Variants in AZIN2 observed in about 807,000 individuals in gnomAD.
AZIN2 encodes ODC antizyme inhibitor-2.
In AZIN2, 28 loss-of-function variants were observed where a neutral mutation model predicts 47.8. The ratio of observed to expected loss-of-function variants is 0.59; its 90% CI spans 0.43 to 0.80. The LOEUF is 0.80. AZIN2 is among the 30% of genes least tolerant of loss of function. The pLI is 0.00. For missense variants in AZIN2, 535 were observed against 582.5 expected, an observed-to-expected ratio of 0.92 and a Z score of 0.84; for synonymous variants, 221 against 239.4, an observed-to-expected ratio of 0.92 and a Z score of 0.71.
rs550626704 is a variant in AZIN2 at position 33,093,042 on chromosome 1, CA to C, written c.453-239del. Among the ~76,000 whole-genome samples the C allele has an allele frequency of 4.5e-4, 68 of 152,292 alleles. 1 individual carries two copies. The highest frequency in any genetic ancestry group is 1.6e-3 in the African/African-American group (66 of 41,548). On this transcript the variant is annotated intron_variant, in intron 6 of 11. Transcript: ENST00000294517. ...TGATTTGGAGGGACTGGAGCTGCCC[CA>C]GGAGAGTTGGTGAGGTCTGGACCAG...
chr1:33,139,374 A>G, the AZIN2 span, among the ~76,000 whole-genome samples: 2 of 152,204 alleles, frequency 1.3e-5, no homozygotes, highest in African/African-American at 2.4e-5. Context: ...TGCACCCAGC[A>G]TGCAAAACCA....
intron 10 of AZIN2, among the ~76,000 whole-genome samples, chr1:33,108,894 A>C (rs144630046): frequency 9.3e-4 from 141 of 152,350 alleles, no homozygotes; most frequent in African/African-American, 3.3e-3. Context: ...ACTAAGGAGT[A>C]CAATTGCTGG....
chr1:33,091,967 CTT>C (rs1265330870), intron 5 of AZIN2, 81 bp from the exon 6 acceptor site: 16 of 1,476,338 alleles, frequency 1.1e-5, no homozygotes, highest in Non-Finnish European at 1.4e-5. Context: ...ATAGCTATGA[CTT>C]TGCCCTCATC....
chr1:33,100,953 C>T (rs1570071183), intron 10 of AZIN2, among the ~76,000 whole-genome samples: 1 of 150,776 alleles, frequency 6.6e-6, no homozygotes, highest in African/African-American at 2.4e-5. Context: ...CCTCTGCCTC[C>T]TAGGTTCAAG....
At chr1:33,138,033 C>A in the AZIN2 span, among the ~76,000 whole-genome samples, 2 of 152,240 alleles carry the variant, frequency 1.3e-5, no homozygotes, top group South Asian at 4.1e-4. Context: ...TGCAGGGGGA[C>A]TGCATAACCA....
chr1:33,154,267 G>A, the AZIN2 span, among the ~76,000 whole-genome samples: 3 of 151,402 alleles, frequency 2.0e-5, no homozygotes, highest in African/African-American at 4.9e-5. Context: ...CCAAGGCTCC[G>A]ATTCCCTCCC....
chr1:33,101,242 T>A (rs1457405423), intron 10 of AZIN2, among the ~76,000 whole-genome samples: 1 of 151,600 alleles, frequency 6.6e-6, no homozygotes, highest in East Asian at 1.9e-4. Flanking sequence ...TCTCCCTGTG[T>A]TGTCTAGGCG....
the AZIN2 span, chr1:33,147,205 G>A: frequency 6.8e-6 from 11 of 1,613,716 alleles, no homozygotes; most frequent in Middle Eastern, 1.6e-4. The surrounding 1 kb of genome is among the most constrained non-coding windows in gnomAD (Gnocchi z 8.1). Context: ...GATCCGCAGC[G>A]GCTGAACGTT....
the AZIN2 span, among the ~76,000 whole-genome samples, chr1:33,129,424 C>T: frequency 6.6e-6 from 1 of 152,218 alleles, no homozygotes; most frequent in African/African-American, 2.4e-5. The surrounding 1 kb of genome is among the most constrained non-coding windows in gnomAD (Gnocchi z 4.1). Context: ...CACAGACTGT[C>T]TTTGGGTCCT....
chr1:33,097,348 A>G (rs1454448560), intron 9 of AZIN2, among the ~76,000 whole-genome samples: 1 of 152,228 alleles, frequency 6.6e-6, no homozygotes, highest in Non-Finnish European at 1.5e-5. Context: ...AGGCTGAGTC[A>G]TTAGCCCAAG....
chr1:33,156,876 C>CAT, the AZIN2 span, among the ~76,000 whole-genome samples: 1 of 152,030 alleles, frequency 6.6e-6, no homozygotes. Context: ...TTTGCTAATC[C>CAT]GCTAGCAAAT....
downstream of AZIN2, among the ~76,000 whole-genome samples, chr1:33,127,857 G>A (rs530825435): frequency 1.9e-4 from 29 of 152,112 alleles, no homozygotes; most frequent in African/African-American, 6.3e-4. Flanking sequence ...CCCTGCTCTC[G>A]CCTTCACTCG....
rs769876479 is a variant in AZIN2 at position 33,107,517 on chromosome 1, C to CT, written c.1029+9339dup. Among the ~76,000 whole-genome samples the CT allele has an allele frequency of 1.3e-4, 19 of 151,770 alleles. No homozygotes were observed. In the East Asian group the frequency reaches 2.7e-3, roughly 22 times the overall value. ...ATCATTTGAGCCTGGGAGGTGGAGG[C>CT]TGCAGTGAACTGAGATGGCGCCACT... On this transcript the variant is annotated intron_variant, in intron 10 of 11. Coordinates refer to ENST00000294517, the MANE Select transcript of AZIN2 (RefSeq NM_052998.4).
chr1:33,120,848 A>C lies in AZIN2; in HGVS notation c.*666A>C, dbSNP rs1644779099. 6.6e-6 allele frequency among the ~76,000 whole-genome samples: 1 copy of C among 152,232 alleles called. No individual in the cohort carries two copies. Among genetic ancestry groups the C allele is most frequent in the Admixed American group, 6.5e-5 (1 of 15,284 alleles). On this transcript the variant is annotated 3_prime_UTR_variant, in exon 12 of 12. Coordinates refer to ENST00000294517, the MANE Select transcript of AZIN2 (RefSeq NM_052998.4). Reference sequence around the variant, plus strand: ...CCAGAGTAGGGGCAATGGAGTATTTAACACAGCTGTGGAAATTCATACTGA... The same window carrying C: ...CCAGAGTAGGGGCAATGGAGTATTTCACACAGCTGTGGAAATTCATACTGA...
intron 10 of AZIN2, among the ~76,000 whole-genome samples, chr1:33,109,349 G>C (rs1489787154): frequency 6.8e-6 from 1 of 146,358 alleles, no homozygotes; most frequent in Non-Finnish European, 1.5e-5. Context: ...TTTTAAGTTA[G>C]AGTCTTGCTC....
chr1:33,118,149 G>A lies in AZIN2; in HGVS notation c.1244+33G>A, dbSNP rs201613412. The A allele has an allele frequency of 8.1e-5, 121 of 1,498,992 alleles. No homozygotes were observed. In the East Asian group the frequency reaches 2.5e-3, roughly 31 times the overall value. 92.9% of individuals were successfully genotyped at this position (1,498,992 alleles called of 1,614,324 possible). A position where few individuals can be genotyped will look rare whatever the true frequency, so the allele number is the denominator to read the frequency against. On this transcript the variant is annotated intron_variant, in intron 11 of 11. Transcript: ENST00000294517. ...GGCCCTGCTGGAAAATGGGGGTATG[G>A]GGAGGAACTGGGCAGAAACGAGGGA...
At chr1:33,094,424 G>T in intron 7 of AZIN2, 124 bp from the exon 8 acceptor site, 1 of 1,028,038 alleles carries the variant, frequency 9.7e-7, no homozygotes, top group Non-Finnish European at 1.4e-6. Context: ...TCAGGACCTT[G>T]GTCACTGCAT....
chr1:33,156,978 T>C, the AZIN2 span, among the ~76,000 whole-genome samples: 1 of 128,264 alleles, frequency 7.8e-6, no homozygotes, highest in African/African-American at 3.0e-5. Context: ...ACATCACCTC[T>C]TGCCTGGATT....
At chr1:33,159,955 C>T in the AZIN2 span, 12 of 1,599,072 alleles carry the variant, frequency 7.5e-6, no homozygotes, top group Non-Finnish European at 1.0e-5. This position sits in a 1 kb window ranked among gnomAD's most constrained non-coding sequence, Gnocchi z 4.2. Flanking sequence ...CTGTGGGGGA[C>T]AGTCGTCAGG....
Sources: gnomAD v4.1 joint callset for allele counts (sites outside exome capture counted in the v4.1 genomes callset) on GRCh38, gnomAD v4.1.1 for gene constraint, Gnocchi (gnomAD v3.1) non-coding constraint, MANE v1.5 for transcripts, NCBI Gene and HGNC (gene_info 2026-07-23, HGNC 2026-07-21) for gene names.